Variants in PHIP observed in about 807,000 individuals in gnomAD.
PHIP encodes the protein PH-interacting protein.
In PHIP, 54 loss-of-function variants were observed where a neutral mutation model predicts 236.8. The ratio of observed to expected loss-of-function variants is 0.23; its 90% CI spans 0.18 to 0.29. The LOEUF (loss-of-function observed/expected upper bound fraction) is 0.29. Ranked by LOEUF, PHIP falls within the 10% of genes least tolerant of loss-of-function variation. PHIP has a pLI of 1.00. For missense variants in PHIP, 1,370 were observed against 2,190.8 expected, an observed-to-expected ratio of 0.63 and a Z score of 7.48; for synonymous variants, 756 against 718.9, an observed-to-expected ratio of 1.05 and a Z score of -0.83.
rs1774297588 is a variant in PHIP, at chr6:79,078,226, G to GAGGAAA, written c.-164_-159dup. 1 of 665,192 alleles carries GAGGAAA rather than the reference G, an allele frequency of 1.5e-6. No individual in the cohort carries two copies. The highest frequency in any genetic ancestry group is 3.0e-5 in the East Asian group (1 of 33,322). The allele number at this position is 665,192 out of a possible 1,614,324, so 41.2% of individuals were successfully genotyped here. On this transcript the variant is annotated 5_prime_UTR_variant, in exon 1 of 40. Transcript: ENST00000275034. ...GGCGGCGGAGGCGGAGGAGGAGGAG[G>GAGGAAA]AGGAAACAACAACTCTCAGGCAGCG... is the stretch of plus-strand genomic sequence containing the variant.
chr6:78,994,896 T>G (rs998094621), intron 19 of PHIP, among the ~76,000 whole-genome samples: 4 of 152,206 alleles, frequency 2.6e-5, no homozygotes, highest in African/African-American at 7.2e-5. Flanking sequence ...GTATGTAGTT[T>G]TTTTCAGACA....
rs1318841556 is a variant in PHIP, at chr6:78,977,331, T to A, written c.2889+1261A>T. Among the ~76,000 whole-genome samples, 6 of 149,268 alleles carry A rather than the reference T, an allele frequency of 4.0e-5. No individual in the cohort carries two copies. In the East Asian group the frequency reaches 1.2e-3, roughly 30 times the overall value. ...CATAGGTGGGAATTGAACAATGAGA[T>A]CACATGGACACAGGAAGGGGAACAT... On this transcript the variant is annotated intron_variant, in intron 24 of 39. Transcript: ENST00000275034.
At chr6:78,941,934 A>G (rs1262671812) in intron 39 of PHIP, among the ~76,000 whole-genome samples, 1 of 152,192 alleles carries the variant, frequency 6.6e-6, no homozygotes, top group African/African-American at 2.4e-5. Context: ...AACCTGAAGG[A>G]TCTGGAGATG....
chr6:78,955,346 TTAAC>T, intron 33 of PHIP, 64 bp from the exon 34 acceptor site: 1 of 1,145,856 alleles, frequency 8.7e-7, no homozygotes, highest in Non-Finnish European at 1.3e-6. Flanking sequence ...TTATAGTTGA[TTAAC>T]TAGCAATTAT....
intron 6 of PHIP, among the ~76,000 whole-genome samples, chr6:79,050,599 T>C (rs781255635): frequency 7.2e-5 from 11 of 152,206 alleles, no homozygotes; most frequent in Non-Finnish European, 1.6e-4. Context: ...TTTTCCAAAC[T>C]TTCTCTATAG....
chr6:79,072,388 C>T (rs186769429), intron 4 of PHIP, among the ~76,000 whole-genome samples: 2 of 152,322 alleles, frequency 1.3e-5, no homozygotes, highest in East Asian at 3.9e-4. Context: ...AATGCCTTAA[C>T]CATGATTTAT....
intron 6 of PHIP, among the ~76,000 whole-genome samples, chr6:79,050,282 G>T (rs1772725946): frequency 6.6e-6 from 1 of 152,084 alleles, no homozygotes; most frequent in Non-Finnish European, 1.5e-5. Context: ...TTTACTACAT[G>T]CCAGGCACTA....
intron 23 of PHIP, among the ~76,000 whole-genome samples, chr6:78,981,450 T>C (rs867470891): frequency 6.6e-6 from 1 of 152,040 alleles, no homozygotes; most frequent in Non-Finnish European, 1.5e-5. Context: ...ATATTTAAAG[T>C]GACCCACATA....
chr6:79,068,980 T>C (rs1240218715), intron 4 of PHIP, among the ~76,000 whole-genome samples: 1 of 151,918 alleles, frequency 6.6e-6, no homozygotes, highest in Non-Finnish European at 1.5e-5. Context: ...TCTAAAAAAG[T>C]CAGTTTTTCA....
chr6:78,975,009 C>T (rs1395075791), intron 24 of PHIP, among the ~76,000 whole-genome samples: 1 of 151,460 alleles, frequency 6.6e-6, no homozygotes, highest in Non-Finnish European at 1.5e-5. Flanking sequence ...GGGAATCCCC[C>T]CTAACTCATT....
In PHIP at chr6:79,025,549, CA is replaced by C; in HGVS notation, c.892del (p.Trp298GlyfsTer10). Reference protein sequence around the residue: ...STGADGTICFWLWDAGTLKIN... With the variant: ...STGADGTICFXLWDAGTLKIN... ...TTTAAGGGTTCCAGCATCCCAGAGC[CA>C]AAAACAAATAGTGCCATCTGCCCCA... On this transcript the variant is annotated frameshift_variant, in exon 9 of 40. Coordinates refer to ENST00000275034, the MANE Select transcript of PHIP (RefSeq NM_017934.7). LOFTEE classifies it high-confidence loss of function. 6.2e-7 allele frequency: 1 copy of C among 1,610,142 alleles called. No homozygotes were observed. Among genetic ancestry groups the C allele is most frequent in the Non-Finnish European group, 8.5e-7 (1 of 1,176,568 alleles).
At chr6:79,017,195 A>G in intron 12 of PHIP, 151 bp downstream of exon 12, 1 of 522,794 alleles carries the variant, frequency 1.9e-6, no homozygotes, top group South Asian at 3.4e-5. Context: ...GTGCCTATGC[A>G]TGTGAAGGCT....
At chr6:79,065,717 T>C (rs1773586946) in intron 4 of PHIP, among the ~76,000 whole-genome samples, 1 of 151,090 alleles carries the variant, frequency 6.6e-6, no homozygotes, top group Admixed American at 6.6e-5. Flanking sequence ...ACTTCACCAT[T>C]AACTACAAAA....
chr6:78,938,323 G>T lies in PHIP; in HGVS notation c.*2370C>A, dbSNP rs1773347962. The stretch of plus-strand genomic sequence containing the variant: ...ACATTTACATGTTATAGGAAAGATG[G>T]TAAATACTCATTTCTTTGCTTGAGT... On this transcript the variant is annotated 3_prime_UTR_variant, in exon 40 of 40. Transcript: ENST00000275034. 6.6e-6 allele frequency: 1 copy of T among 151,542 alleles called. No individual in the cohort carries two copies. Among genetic ancestry groups the T allele is most frequent in the Non-Finnish European group, 1.5e-5 (1 of 67,556 alleles). The allele number at this position is 151,542 out of a possible 1,614,324, so 9.4% of individuals were successfully genotyped here.
intron 35 of PHIP, 54 bp downstream of exon 35, chr6:78,954,760 T>C: frequency 1.8e-6 from 2 of 1,133,424 alleles, no homozygotes; most frequent in Non-Finnish European, 2.5e-6. Flanking sequence ...AACTGTCATG[T>C]AAAAGGTATG....
At chr6:79,034,798 G>A (rs781694168) in intron 7 of PHIP, among the ~76,000 whole-genome samples, 18 of 152,192 alleles carry the variant, frequency 1.2e-4, no homozygotes, top group Non-Finnish European at 2.5e-4. Flanking sequence ...ACAGGAAGCA[G>A]CATAAATGAC....
At chr6:78,945,717 C>T (rs1255887934) in intron 38 of PHIP, 3 of 598,394 alleles carry the variant, frequency 5.0e-6, no homozygotes, top group East Asian at 3.0e-5. Context: ...TTCAAAATTT[C>T]GAAGGCAAGT....
At chr6:79,056,435 T>A (rs185152528) in intron 6 of PHIP, among the ~76,000 whole-genome samples, 164 of 152,232 alleles carry the variant, frequency 1.1e-3, no homozygotes, top group Non-Finnish European at 2.1e-3. Context: ...TGTGACACAT[T>A]AAAATGGTTG....
chr6:78,983,228 T>TA (rs1212115090), intron 22 of PHIP, 111 bp from the exon 23 acceptor site: 3 of 511,038 alleles, frequency 5.9e-6, no homozygotes, highest in Non-Finnish European at 9.8e-6. Context: ...AACAAATACT[T>TA]AAACTACAAA....
Sources: gnomAD v4.1 joint callset for allele counts (sites outside exome capture counted in the v4.1 genomes callset) on GRCh38, gnomAD v4.1.1 for gene constraint, MANE v1.5 for transcripts, NCBI Gene and HGNC (gene_info 2026-07-23, HGNC 2026-07-21) for gene names.